The following DGKI variants were observed in gnomAD, a reference collection of about 807,000 sequenced individuals.
DGKI encodes the protein diacylglycerol kinase iota.
Under a neutral mutation model 147.5 loss-of-function variants are expected in DGKI, and 55 were observed. The ratio of observed to expected loss-of-function variants is 0.37; its 90% CI spans 0.30 to 0.47. The LOEUF is 0.47. Ranked by LOEUF, DGKI falls within the 20% of genes least tolerant of loss-of-function variation. The pLI, the probability that DGKI is intolerant of heterozygous loss-of-function variation, is 1.00. For missense variants in DGKI, 1,007 were observed against 1,323.8 expected (o/e 0.76, Z 3.71); for synonymous variants, 469 against 477.1 (o/e 0.98, Z 0.22).
At chr7:137,631,417 T>G (rs969014598) in intron 6 of DGKI, among the ~76,000 whole-genome samples, 1 of 152,170 alleles carries the variant, frequency 6.6e-6, no homozygotes, top group Non-Finnish European at 1.5e-5. Context: ...CATCTACTCT[T>G]CCCAGTAGTA....
chr7:137,546,050 A>C, intron 20 of DGKI: 1 of 619,040 alleles, frequency 1.6e-6, no homozygotes, highest in Non-Finnish European at 3.0e-6. Context: ...AAAGAGAGAC[A>C]CACAAAATTT....
At chr7:137,794,024 T>G (rs981383467) in intron 1 of DGKI, among the ~76,000 whole-genome samples, 12 of 152,176 alleles carry the variant, frequency 7.9e-5, no homozygotes, top group African/African-American at 2.7e-4. Flanking sequence ...TAAACTAATC[T>G]TCCTACTATT....
chr7:137,595,389 A>C (rs1446127792), intron 12 of DGKI, among the ~76,000 whole-genome samples: 3 of 152,214 alleles, frequency 2.0e-5, no homozygotes, highest in African/African-American at 2.4e-5. Flanking sequence ...GCTTTCTTGA[A>C]ATTCCATATT....
At chr7:137,546,779 C>T (rs10246490) in intron 20 of DGKI, among the ~76,000 whole-genome samples, 13,941 of 152,232 alleles carry the variant, frequency 0.092, 1,355 homozygotes, top group African/African-American at 0.23. Context: ...CCTAGTTCCA[C>T]GGATCTCTCT....
Position 137,663,787 on chromosome 7 carries a change from C to T in DGKI, c.607-7247G>A, listed in dbSNP as rs142788973. On this transcript the variant is annotated intron_variant, in intron 3 of 32. Coordinates refer to ENST00000614521, the MANE Select transcript of DGKI (RefSeq NM_001321708.2). ...CAGAGTTACAGAGAGGTGGAGATTT[C>T]TCTGTGTGTTTCCATGCCGCTATAT... Among the ~76,000 whole-genome samples, 7 of 152,288 alleles carry T rather than the reference C, an allele frequency of 4.6e-5. No homozygotes were observed. In the East Asian group the frequency reaches 9.7e-4, roughly 21 times the overall value.
intron 1 of DGKI, among the ~76,000 whole-genome samples, chr7:137,695,643 A>C (rs1052450478): frequency 3.3e-5 from 5 of 152,244 alleles, no homozygotes; most frequent in African/African-American, 1.2e-4. Context: ...CTAACTCCAG[A>C]AGGTATATAC....
chr7:137,788,273 G>A (rs73729038), intron 1 of DGKI, among the ~76,000 whole-genome samples: 110 of 152,056 alleles, frequency 7.2e-4, no homozygotes, highest in African/African-American at 2.5e-3. Context: ...CCTACTGGAC[G>A]GTCCAACTTG....
intron 10 of DGKI, among the ~76,000 whole-genome samples, chr7:137,607,038 G>A (rs1409963882): frequency 6.6e-6 from 1 of 152,098 alleles, no homozygotes; most frequent in Non-Finnish European, 1.5e-5. Context: ...GATTGATCTC[G>A]AGAAATGGTT....
chr7:137,654,843 G>T, intron 4 of DGKI, 55 bp from the exon 5 acceptor site: 9 of 1,027,438 alleles, frequency 8.8e-6, no homozygotes, highest in Non-Finnish European at 1.3e-5. Context: ...AGACTAGACT[G>T]AATTACCTGA....
At chr7:137,483,185 A>G (rs1397516912) in intron 23 of DGKI, among the ~76,000 whole-genome samples, 1 of 152,138 alleles carries the variant, frequency 6.6e-6, no homozygotes, top group Non-Finnish European at 1.5e-5. Context: ...GCATAAAAAA[A>G]TATGGTACAA....
rs1818788732 is a variant in DGKI, at chr7:137,571,389, AAC to A, written c.1836-105_1836-104del. 5.1e-6 allele frequency: 4 copies of A among 779,850 alleles called. No individual in the cohort carries two copies. The Admixed American group carries it at 9.7e-5, about 19-fold the overall frequency. 48.3% of individuals were successfully genotyped at this position (779,850 alleles called of 1,614,324 possible). On this transcript the variant is annotated intron_variant, in intron 18 of 32. Transcript: ENST00000614521. The stretch of plus-strand genomic sequence containing the variant: ...AGACCCAATGTTTATCAAACATAAA[AAC>A]AGTTTTCCATTCTTGGTACACACCT...
At chr7:137,510,542 C>T (rs535541845) in intron 21 of DGKI, among the ~76,000 whole-genome samples, 2 of 152,338 alleles carry the variant, frequency 1.3e-5, no homozygotes, top group Non-Finnish European at 2.9e-5. Flanking sequence ...TAGCCAGATA[C>T]ATCTGAAAAT....
chr7:137,601,184 G>T (rs1248212972), intron 10 of DGKI, among the ~76,000 whole-genome samples: 1 of 151,922 alleles, frequency 6.6e-6, no homozygotes, highest in Non-Finnish European at 1.5e-5. Flanking sequence ...GGCAGGAGAA[G>T]GGCATGAACC....
In DGKI at chr7:137,383,897, C is replaced by T. The variant is rs1811115958; in HGVS notation, c.*7323G>A. ...ATCCTCCTTCTACATATTCACCAAT[C>T]TGCCCATAAATGTCCCTTGTAAAGT... On this transcript the variant is annotated 3_prime_UTR_variant, in exon 33 of 33. Coordinates refer to ENST00000614521, the MANE Select transcript of DGKI (RefSeq NM_001321708.2). 1 of 152,108 alleles carries T rather than the reference C, an allele frequency of 6.6e-6. No individual in the cohort carries two copies. The highest frequency in any genetic ancestry group is 1.5e-5 in the Non-Finnish European group (1 of 67,934). The allele number at this position is 152,108 out of a possible 1,614,324, so 9.4% of individuals were successfully genotyped here. A position where few individuals can be genotyped will look rare whatever the true frequency, so the allele number is the denominator to read the frequency against.
At chr7:137,619,976 C>A (rs768644910) in intron 7 of DGKI, 36 bp from the exon 8 acceptor site, 43 of 1,483,262 alleles carry the variant, frequency 2.9e-5, no homozygotes, top group Non-Finnish European at 3.5e-5. Context: ...CAATTCTGGT[C>A]AAAGAGTAAT....
At chr7:137,581,502 A>T (rs1278291220) in intron 15 of DGKI, among the ~76,000 whole-genome samples, 1 of 152,140 alleles carries the variant, frequency 6.6e-6, no homozygotes, top group Admixed American at 6.6e-5. Flanking sequence ...TGACTTCAGT[A>T]ATAGTCTCTA....
At chr7:137,676,380 GT>G (rs1823038505) in intron 3 of DGKI, among the ~76,000 whole-genome samples, 1 of 152,006 alleles carries the variant, frequency 6.6e-6, no homozygotes, top group South Asian at 2.1e-4. Context: ...TCCTTCCTGG[GT>G]TTTTTCTTTT....
intron 10 of DGKI, among the ~76,000 whole-genome samples, chr7:137,608,212 A>T (rs1820246597): frequency 6.6e-6 from 1 of 152,216 alleles, no homozygotes; most frequent in Admixed American, 6.5e-5. Context: ...CTTCGTGGAT[A>T]AAGAAAATAT....
Position 137,623,492 on chromosome 7 carries a change from G to T in DGKI, c.867C>A (p.Cys289Ter). The T allele has an allele frequency of 6.2e-7, 1 of 1,613,816 alleles. No individual in the cohort carries two copies. The highest frequency in any genetic ancestry group is 8.5e-7 in the Non-Finnish European group (1 of 1,179,748). ...KEIVAISCSW[C>*]KQAFHNKVTC... ...TTCATCCCAATCTTACCGCCTGCTT[G>T]CACCAGGAACAGCTGATAGCCACAA... The change falls in exon 7 of 33, where the codon TGC (cysteine) becomes TGA (stop). Residue 289 changes from cysteine (C) to a stop codon, truncating the protein, a stop_gained. Transcript: ENST00000614521. LOFTEE classifies it high-confidence loss of function.
Sources: allele counts gnomAD v4.1 joint callset (sites outside exome capture counted in the v4.1 genomes callset), GRCh38; gene constraint gnomAD v4.1.1; transcripts MANE v1.5; gene names NCBI Gene and HGNC (gene_info 2026-07-23, HGNC 2026-07-21).